Variants in PRR16 observed in about 807,000 individuals in gnomAD.
The protein encoded by PRR16 is proline rich 16, also known as protein Largen.
In PRR16, 6 loss-of-function variants were observed where a neutral mutation model predicts 18.2. That is an observed-to-expected ratio of 0.33 (90% confidence interval 0.18 to 0.65). The LOEUF (loss-of-function observed/expected upper bound fraction) is 0.65, where lower values mean the gene tolerates loss of function less well. Among genes scored for constraint, PRR16 ranks in the 30% least tolerant of loss-of-function variants. PRR16 has a pLI of 0.74. For missense variants in PRR16, 412 were observed against 376.6 expected (o/e 1.09, Z -0.78); for synonymous variants, 151 against 147.8 (o/e 1.02, Z -0.16).
intron 1 of PRR16, among the ~76,000 whole-genome samples, chr5:120,537,211 C>T (rs112622662): frequency 2.0e-5 from 3 of 152,008 alleles, no homozygotes; most frequent in Admixed American, 6.6e-5. Context: ...AAAATGTTAA[C>T]CATATAAAAA....
intron 1 of PRR16, among the ~76,000 whole-genome samples, chr5:120,541,918 T>G (rs1751928650): frequency 6.6e-6 from 1 of 151,812 alleles, no homozygotes; most frequent in Non-Finnish European, 1.5e-5. Flanking sequence ...ACCCCCTTCC[T>G]TTCCTCTTTT....
chr5:120,490,268 C>G (rs1335475808), intron 1 of PRR16, among the ~76,000 whole-genome samples: 1 of 152,168 alleles, frequency 6.6e-6, no homozygotes, highest in East Asian at 1.9e-4. Flanking sequence ...GTTCCATTCT[C>G]CCCGTCACTT....
chr5:120,534,313 T>C lies in PRR16; in HGVS notation c.159+69668T>C, dbSNP rs149506810. ...TGAGTACCTGCCCCACACACATCTA[T>C]TGGTTTTTGAATATCTTAAAAGATA... On this transcript the variant is annotated intron_variant, in intron 1 of 1. Coordinates refer to ENST00000407149, the MANE Select transcript of PRR16 (RefSeq NM_001300783.2). Among the ~76,000 whole-genome samples, 475 of 152,278 alleles carry C rather than the reference T, an allele frequency of 3.1e-3. 5 individuals carry two copies. Among genetic ancestry groups the C allele is most frequent in the African/African-American group, 0.01 (433 of 41,556 alleles).
At chr5:120,792,062 C>T in the PRR16 span, among the ~76,000 whole-genome samples, 5 of 152,114 alleles carry the variant, frequency 3.3e-5, no homozygotes, top group African/African-American at 1.2e-4. Flanking sequence ...CTGATTGCTT[C>T]AATCTGTAAA....
intron 1 of PRR16, among the ~76,000 whole-genome samples, chr5:120,498,821 T>C (rs1750347095): frequency 6.6e-6 from 1 of 152,070 alleles, no homozygotes; most frequent in Non-Finnish European, 1.5e-5. Flanking sequence ...AGTTCTTTTC[T>C]CTTAGCATTT....
chr5:120,620,502 T>A (rs1017849056), intron 1 of PRR16, among the ~76,000 whole-genome samples: 7 of 152,186 alleles, frequency 4.6e-5, no homozygotes, highest in African/African-American at 1.7e-4. Context: ...TAAGTAGTTC[T>A]GTGATGTAGG....
chr5:120,559,708 A>C (rs910881013), intron 1 of PRR16, among the ~76,000 whole-genome samples: 3 of 151,818 alleles, frequency 2.0e-5, no homozygotes, highest in Non-Finnish European at 4.4e-5. Flanking sequence ...TAGTATTCTG[A>C]TAGGAATTGG....
intron 1 of PRR16, among the ~76,000 whole-genome samples, chr5:120,475,337 C>G (rs1202421314): frequency 1.3e-5 from 2 of 152,126 alleles, no homozygotes; most frequent in Admixed American, 1.3e-4. Flanking sequence ...CTTTTTCATC[C>G]TCTACCTTCT....
intron 1 of PRR16, among the ~76,000 whole-genome samples, chr5:120,618,759 T>C (rs1260334309): frequency 6.6e-6 from 1 of 152,022 alleles, no homozygotes; most frequent in Non-Finnish European, 1.5e-5. Context: ...CTTTCCTTTT[T>C]TTTTTAATCA....
the PRR16 span, among the ~76,000 whole-genome samples, chr5:120,748,930 G>A: frequency 7.9e-5 from 12 of 152,100 alleles, no homozygotes; most frequent in East Asian, 2.3e-3. Context: ...TTTGTTGTTA[G>A]CAATTTCTTA....
At chr5:120,521,488 TC>T (rs1324571182) in intron 1 of PRR16, among the ~76,000 whole-genome samples, 1 of 152,106 alleles carries the variant, frequency 6.6e-6, no homozygotes, top group Non-Finnish European at 1.5e-5. Context: ...TTTATGGGGC[TC>T]ATTTTTTTTC....
chr5:120,502,771 A>C (rs1471381880), intron 1 of PRR16, among the ~76,000 whole-genome samples: 1 of 152,200 alleles, frequency 6.6e-6, no homozygotes, highest in Non-Finnish European at 1.5e-5. Flanking sequence ...GTTCAACCTA[A>C]TAAAAATGAG....
At chr5:120,494,693 T>A (rs933216546) in intron 1 of PRR16, among the ~76,000 whole-genome samples, 3 of 152,136 alleles carry the variant, frequency 2.0e-5, no homozygotes, top group African/African-American at 7.2e-5. Context: ...CCCTAAATTC[T>A]GAAGGTCTTC....
the PRR16 span, among the ~76,000 whole-genome samples, chr5:120,694,553 G>A: frequency 1.6e-4 from 24 of 151,754 alleles, no homozygotes; most frequent in African/African-American, 5.3e-4. Flanking sequence ...GCGAGGTGGC[G>A]GGCGCCTGTA....
chr5:120,701,099 C>T, the PRR16 span, among the ~76,000 whole-genome samples: 2 of 152,208 alleles, frequency 1.3e-5, no homozygotes, highest in Non-Finnish European at 2.9e-5. Flanking sequence ...CTGGCCGCTG[C>T]AGTTCAGGCA....
At chr5:120,488,591 A>G (rs1468855126) in intron 1 of PRR16, among the ~76,000 whole-genome samples, 4 of 152,092 alleles carry the variant, frequency 2.6e-5, no homozygotes, top group Non-Finnish European at 5.9e-5. Flanking sequence ...GATCGTTTCA[A>G]AAAACCAGCT....
chr5:120,493,913 T>C (rs1047217889), intron 1 of PRR16, among the ~76,000 whole-genome samples: 1 of 152,136 alleles, frequency 6.6e-6, no homozygotes, highest in Non-Finnish European at 1.5e-5. Context: ...AGATGTACCA[T>C]AGTTTGTTTA....
the PRR16 span, among the ~76,000 whole-genome samples, chr5:120,742,560 A>G: frequency 4.6e-5 from 7 of 151,910 alleles, no homozygotes; most frequent in African/African-American, 1.7e-4. Flanking sequence ...ATTTCACAAA[A>G]GAGATTAAAA....
chr5:120,632,419 A>T (rs1308554878), intron 1 of PRR16, among the ~76,000 whole-genome samples: 1 of 152,198 alleles, frequency 6.6e-6, no homozygotes, highest in Non-Finnish European at 1.5e-5. Flanking sequence ...AAGGTCAATT[A>T]TTGAGCTAAT....
Sources: allele counts gnomAD v4.1 joint callset (sites outside exome capture counted in the v4.1 genomes callset), GRCh38; gene constraint gnomAD v4.1.1; transcripts MANE v1.5; gene names NCBI Gene and HGNC (gene_info 2026-07-23, HGNC 2026-07-21).